The following SEMA6D variants were observed in gnomAD, a reference collection of about 807,000 sequenced individuals.
SEMA6D encodes the protein semaphorin-6D.
SEMA6D carries 35 observed loss-of-function variants against 106.6 expected under a neutral mutation model. The ratio of observed to expected loss-of-function variants is 0.33; its 90% CI spans 0.25 to 0.44. The LOEUF is 0.44. Among genes scored for constraint, SEMA6D ranks in the 20% least tolerant of loss-of-function variants. SEMA6D has a pLI of 1.00. For synonymous variants in SEMA6D, 499 were observed against 487.7 expected (o/e 1.02, Z -0.31); for missense variants, 1,185 against 1,345.9 (o/e 0.88, Z 1.87).
intron 1 of SEMA6D, among the ~76,000 whole-genome samples, chr15:47,368,088 A>G (rs977141068): frequency 6.6e-6 from 1 of 152,210 alleles, no homozygotes; most frequent in African/African-American, 2.4e-5. Flanking sequence ...AGGTGCACTC[A>G]GCATTTCATC....
chr15:47,249,135 G>A (rs950995406), intron 1 of SEMA6D, among the ~76,000 whole-genome samples: 2 of 152,198 alleles, frequency 1.3e-5, no homozygotes, highest in African/African-American at 4.8e-5. Flanking sequence ...GGCTGAGGCA[G>A]GAGAATCGCC....
intron 1 of SEMA6D, among the ~76,000 whole-genome samples, chr15:47,214,750 T>G (rs1256551177): frequency 2.0e-5 from 3 of 152,214 alleles, no homozygotes; most frequent in Non-Finnish European, 2.9e-5. Flanking sequence ...CACCTTGTTA[T>G]TAAGTAAACT....
chr15:47,679,753 C>G (rs2078313664), intron 4 of SEMA6D, among the ~76,000 whole-genome samples: 1 of 152,016 alleles, frequency 6.6e-6, no homozygotes, highest in Non-Finnish European at 1.5e-5. Flanking sequence ...AGCACAATGC[C>G]CATCAGTAAT....
intron 3 of SEMA6D, among the ~76,000 whole-genome samples, chr15:47,492,054 G>C (rs2043492423): frequency 6.6e-6 from 1 of 152,160 alleles, no homozygotes; most frequent in South Asian, 2.1e-4. Flanking sequence ...AATTCAAGAA[G>C]ATGGTAACTT....
Position 47,764,356 on chromosome 15 carries a change from A to G in SEMA6D, c.1097+51A>G, listed in dbSNP as rs2082222414. The G allele has an allele frequency of 2.5e-6, 4 of 1,577,618 alleles. No homozygotes were observed. The South Asian group carries it at 3.6e-5, about 14-fold the overall frequency. ...TTGTCTTGAACAAAACCTTCCGGTC[A>G]TTGGAAGCATCCCTCCTCAGGGAGC... is the stretch of plus-strand genomic sequence containing the variant. On this transcript the variant is annotated intron_variant, in intron 11 of 18. Coordinates refer to ENST00000536845, the MANE Select transcript of SEMA6D (RefSeq NM_001358351.3).
At chr15:47,647,929 G>C (rs1795812141) in intron 4 of SEMA6D, among the ~76,000 whole-genome samples, 1 of 152,152 alleles carries the variant, frequency 6.6e-6, no homozygotes. Flanking sequence ...GTGGGGTGCT[G>C]AATCATCCTT....
chr15:47,619,624 A>C (rs1252889014), intron 4 of SEMA6D, among the ~76,000 whole-genome samples: 1 of 152,210 alleles, frequency 6.6e-6, no homozygotes, highest in African/African-American at 2.4e-5. Context: ...AGACCATATG[A>C]ATCAGCATCT....
chr15:47,476,263 T>A (rs1250368549), intron 3 of SEMA6D, among the ~76,000 whole-genome samples: 1 of 152,154 alleles, frequency 6.6e-6, no homozygotes, highest in African/African-American at 2.4e-5. Flanking sequence ...TTATTTAGGA[T>A]CAGGTTGGGA....
At chr15:47,331,773 C>A (rs2037352385) in intron 1 of SEMA6D, among the ~76,000 whole-genome samples, 1 of 152,002 alleles carries the variant, frequency 6.6e-6, no homozygotes, top group Admixed American at 6.6e-5. Flanking sequence ...TAAACAGAAG[C>A]CAAAAATAGA....
intron 1 of SEMA6D, among the ~76,000 whole-genome samples, chr15:47,394,162 G>A (rs1384236308): frequency 6.6e-6 from 1 of 152,140 alleles, no homozygotes; most frequent in Non-Finnish European, 1.5e-5. Flanking sequence ...GACTTGGGTA[G>A]CTTTCTTGGT....
At chr15:47,565,770 A>G (rs1420618386) in intron 3 of SEMA6D, among the ~76,000 whole-genome samples, 1 of 152,172 alleles carries the variant, frequency 6.6e-6, no homozygotes, top group Non-Finnish European at 1.5e-5. Context: ...ATTCCAGAAA[A>G]GTAGAATTGG....
At chr15:47,231,010 C>A (rs1464052152) in intron 1 of SEMA6D, among the ~76,000 whole-genome samples, 1 of 151,894 alleles carries the variant, frequency 6.6e-6, no homozygotes, top group Non-Finnish European at 1.5e-5. Flanking sequence ...TGTCTTTGTC[C>A]TCACAATCTA....
At chr15:47,589,424 CTG>C (rs2076399929) in intron 3 of SEMA6D, among the ~76,000 whole-genome samples, 1 of 152,234 alleles carries the variant, frequency 6.6e-6, no homozygotes, top group Admixed American at 6.5e-5. Context: ...CCTGCTGACT[CTG>C]AGTGTGAGTT....
chr15:47,192,665 T>C (rs762387128), intron 1 of SEMA6D, among the ~76,000 whole-genome samples: 2 of 152,128 alleles, frequency 1.3e-5, no homozygotes, highest in Non-Finnish European at 2.9e-5. Context: ...ACAGAGTATA[T>C]CTTACAATGT....
intron 1 of SEMA6D, among the ~76,000 whole-genome samples, chr15:47,222,559 G>T (rs888251678): frequency 6.6e-6 from 1 of 152,070 alleles, no homozygotes; most frequent in African/African-American, 2.4e-5. Context: ...TTGACTACAG[G>T]CAATCACACC....
intron 3 of SEMA6D, among the ~76,000 whole-genome samples, chr15:47,502,617 G>A (rs1441202698): frequency 6.6e-6 from 1 of 152,138 alleles, no homozygotes; most frequent in African/African-American, 2.4e-5. Context: ...AAATGACAAG[G>A]GCATGTCATA....
chr15:47,584,989 C>G (rs2076312769), intron 3 of SEMA6D, among the ~76,000 whole-genome samples: 1 of 152,184 alleles, frequency 6.6e-6, no homozygotes, highest in Non-Finnish European at 1.5e-5. Context: ...GCCCCACAGG[C>G]ATCGGAGATT....
intron 1 of SEMA6D, among the ~76,000 whole-genome samples, chr15:47,409,124 A>C (rs1296077961): frequency 6.6e-6 from 1 of 152,206 alleles, no homozygotes; most frequent in Admixed American, 6.5e-5. Flanking sequence ...TCCTGAAGAC[A>C]CCTCAGAGCA....
intron 1 of SEMA6D, among the ~76,000 whole-genome samples, chr15:47,751,850 T>A (rs1016664259): frequency 6.6e-6 from 1 of 151,728 alleles, no homozygotes; most frequent in Admixed American, 6.6e-5. Context: ...CCTAAGGGAC[T>A]GAAAAAAAAA....
Sources: gnomAD v4.1 joint callset for allele counts (sites outside exome capture counted in the v4.1 genomes callset) on GRCh38, gnomAD v4.1.1 for gene constraint, MANE v1.5 for transcripts, NCBI Gene and HGNC (gene_info 2026-07-23, HGNC 2026-07-21) for gene names.